The following NEDD4 variants were observed in gnomAD, a reference collection of about 807,000 sequenced individuals.
NEDD4 encodes NEDD4 E3 ubiquitin protein ligase.
Under a neutral mutation model 144.9 loss-of-function variants are expected in NEDD4, and 99 were observed. The ratio of observed to expected loss-of-function variants is 0.68; its 90% CI spans 0.58 to 0.81. The LOEUF is 0.81. Among genes scored for constraint, NEDD4 ranks in the 30% least tolerant of loss-of-function variants. The probability of loss-of-function intolerance (pLI) is 0.00; values close to 1 mark genes in which losing one functional copy is unlikely to be tolerated. For missense variants in NEDD4, 985 were observed against 1,065.9 expected (o/e 0.92, Z 1.06); for synonymous variants, 318 against 350.6 (o/e 0.91, Z 1.04).
At chr15:55,921,060 G>A (rs907145800) in intron 5 of NEDD4, among the ~76,000 whole-genome samples, 1 of 152,024 alleles carries the variant, frequency 6.6e-6, no homozygotes, top group Non-Finnish European at 1.5e-5. Flanking sequence ...CTACAAACGC[G>A]TTAAGTCTAC....
chr15:55,973,401 A>C (rs1363790070), intron 1 of NEDD4, among the ~76,000 whole-genome samples: 1 of 151,692 alleles, frequency 6.6e-6, no homozygotes, highest in Non-Finnish European at 1.5e-5. Flanking sequence ...ACAACAACAA[A>C]AAAACAGGCA....
At chr15:55,855,518 C>T (rs747943707) in intron 12 of NEDD4, among the ~76,000 whole-genome samples, 5 of 152,170 alleles carry the variant, frequency 3.3e-5, no homozygotes, top group Non-Finnish European at 5.9e-5. Flanking sequence ...ACAAGTAGGG[C>T]TTCTGGAAAA....
Position 55,951,609 on chromosome 15 carries a change from AAAG to A in NEDD4, c.120-23_120-21del. The A allele has an allele frequency of 4.1e-6, 6 of 1,452,596 alleles. No homozygotes were observed. Among genetic ancestry groups the A allele is most frequent in the Non-Finnish European group, 5.4e-6 (6 of 1,101,832 alleles). The allele number at this position is 1,452,596 out of a possible 1,614,324, so 90.0% of individuals were successfully genotyped here. A position where few individuals can be genotyped will look rare whatever the true frequency, so the allele number is the denominator to read the frequency against. ...GGATCACTGTTAAAAAAAAAAAAAA[AAAG>A]AAAGAAAAATTTTAATTATTGCTTA... On this transcript the variant is annotated intron_variant, in intron 2 of 28. Transcript: ENST00000435532.
intron 18 of NEDD4, among the ~76,000 whole-genome samples, chr15:55,844,634 T>C (rs1465245649): frequency 6.6e-6 from 1 of 152,104 alleles, no homozygotes; most frequent in African/African-American, 2.4e-5. Flanking sequence ...ATAGGGATAA[T>C]AATAATGATA....
intron 4 of NEDD4, among the ~76,000 whole-genome samples, chr15:55,946,841 G>C (rs1225412647): frequency 6.6e-6 from 1 of 152,168 alleles, no homozygotes; most frequent in Non-Finnish European, 1.5e-5. Flanking sequence ...CTAGAACTCA[G>C]GATTAAGAAA....
chr15:55,918,054 T>G (rs1232358590), intron 5 of NEDD4, among the ~76,000 whole-genome samples: 1 of 152,166 alleles, frequency 6.6e-6, no homozygotes, highest in East Asian at 1.9e-4. Context: ...ATTTAGCTGT[T>G]TGATATCTAT....
rs951350119 is a variant in NEDD4, at chr15:55,944,405, C to T, written c.237+6971G>A. ...CACTGCTAGCGCAGCAGTCTGAGAT[C>T]GACCTGCCAGTCTGCAGACTGGTGG... is the stretch of plus-strand genomic sequence containing the variant. On this transcript the variant is annotated intron_variant, in intron 4 of 28. Coordinates refer to ENST00000435532, the MANE Select transcript of NEDD4 (RefSeq NM_006154.4). Among the ~76,000 whole-genome samples the T allele has an allele frequency of 3.9e-5, 6 of 152,300 alleles. No homozygotes were observed. In the South Asian group the frequency reaches 6.2e-4, roughly 16 times the overall value.
intron 7 of NEDD4, among the ~76,000 whole-genome samples, chr15:55,869,890 A>AATAAATCT (rs2034720481): frequency 3.3e-5 from 1 of 30,470 alleles, no homozygotes; most frequent in Non-Finnish European, 1.1e-4. Context: ...TAAATAAATA[A>AATAAATCT]ATAATTGTTA....
At chr15:55,977,443 T>C (rs1487594829) in intron 1 of NEDD4, among the ~76,000 whole-genome samples, 2 of 152,340 alleles carry the variant, frequency 1.3e-5, no homozygotes, top group African/African-American at 2.4e-5. Flanking sequence ...TGAAATTGCC[T>C]AATGACACAT....
chr15:55,943,840 T>G (rs1180186793), intron 4 of NEDD4, among the ~76,000 whole-genome samples: 1 of 152,146 alleles, frequency 6.6e-6, no homozygotes, highest in African/African-American at 2.4e-5. Flanking sequence ...ACTGTTTGCC[T>G]GCAAAACCCT....
At chr15:55,966,699 G>A (rs879276186) in intron 1 of NEDD4, among the ~76,000 whole-genome samples, 153 bp from the exon 2 acceptor site, 2 of 151,954 alleles carry the variant, frequency 1.3e-5, no homozygotes, top group South Asian at 2.1e-4. Context: ...AGTTACACGG[G>A]AAAAAAAGAA....
chr15:55,940,928 T>A (rs1253636291), intron 4 of NEDD4, among the ~76,000 whole-genome samples: 1 of 152,186 alleles, frequency 6.6e-6, no homozygotes. Context: ...ATAACATTAA[T>A]TCCTCTAACA....
intron 8 of NEDD4, among the ~76,000 whole-genome samples, chr15:55,869,039 A>G (rs1291399761): frequency 2.0e-5 from 3 of 152,198 alleles, no homozygotes. Flanking sequence ...AGATGCATGT[A>G]ACTCTACACA....
rs1158150042 is a variant in NEDD4, at chr15:55,981,003, A to G, written c.45+12508T>C. 2.0e-5 allele frequency among the ~76,000 whole-genome samples: 3 copies of G among 152,042 alleles called. No homozygotes were observed. The East Asian group carries it at 5.8e-4, about 29-fold the overall frequency. On this transcript the variant is annotated intron_variant, in intron 1 of 28. Coordinates refer to ENST00000435532, the MANE Select transcript of NEDD4 (RefSeq NM_006154.4). Reference sequence around the variant, plus strand: ...TAATAAGGTAAAAACAAAATATTCAACAAAAAAAAATTGCTAGGGAGGGAT... The same window carrying G: ...TAATAAGGTAAAAACAAAATATTCAGCAAAAAAAAATTGCTAGGGAGGGAT...
At chr15:55,942,450 CTGCTCTGGTG>C (rs2037025038) in intron 4 of NEDD4, among the ~76,000 whole-genome samples, 2 of 152,260 alleles carry the variant, frequency 1.3e-5, no homozygotes, top group African/African-American at 4.8e-5. Context: ...TTCCCCCTTG[CTGCTCTGGTG>C]ATAGTAAGCG....
At chr15:55,961,627 C>A (rs549416253) in intron 2 of NEDD4, among the ~76,000 whole-genome samples, 1 of 152,178 alleles carries the variant, frequency 6.6e-6, no homozygotes, top group South Asian at 2.1e-4. Flanking sequence ...CCCACCACCA[C>A]ACCCGGATAA....
chr15:55,882,151 C>T (rs2035216532), intron 5 of NEDD4, among the ~76,000 whole-genome samples: 1 of 152,180 alleles, frequency 6.6e-6, no homozygotes, highest in Non-Finnish European at 1.5e-5. Flanking sequence ...CACTGATCAT[C>T]CTACCTGCAG....
intron 4 of NEDD4, among the ~76,000 whole-genome samples, chr15:55,925,184 T>C (rs922395067): frequency 6.6e-6 from 1 of 152,248 alleles, no homozygotes; most frequent in African/African-American, 2.4e-5. Flanking sequence ...GTGTCACTCA[T>C]TTTCTAGTAG....
chr15:55,860,355 A>T, intron 11 of NEDD4, 52 bp downstream of exon 11: 1 of 1,548,056 alleles, frequency 6.5e-7, no homozygotes, highest in Non-Finnish European at 8.9e-7. Flanking sequence ...GAATAGTATA[A>T]TATGCATAAT....
Sources: gnomAD v4.1 joint callset for allele counts (sites outside exome capture counted in the v4.1 genomes callset) on GRCh38, gnomAD v4.1.1 for gene constraint, MANE v1.5 for transcripts, NCBI Gene and HGNC (gene_info 2026-07-23, HGNC 2026-07-21) for gene names.